PTPDC1: variants seen among roughly 807,000 people sequenced by gnomAD.
PTPDC1 encodes the protein protein tyrosine phosphatase domain containing 1.
PTPDC1 carries 53 observed loss-of-function variants against 75.3 expected under a neutral mutation model. The observed-to-expected ratio is 0.70, with a 90% CI of 0.56 to 0.88. The LOEUF (loss-of-function observed/expected upper bound fraction) is 0.88, where lower values mean the gene tolerates loss of function less well. Among genes scored for constraint, PTPDC1 ranks in the 40% least tolerant of loss-of-function variants. The pLI is 0.00. For missense variants in PTPDC1, 925 were observed against 998.6 expected (o/e 0.93, Z 0.99); for synonymous variants, 349 against 366.2 (o/e 0.95, Z 0.54).
At chr9:94,103,301 G>A (rs1426368931) in intron 7 of PTPDC1, among the ~76,000 whole-genome samples, 2 of 152,180 alleles carry the variant, frequency 1.3e-5, no homozygotes, top group African/African-American at 4.8e-5. Context: ...AGCCCTTCAG[G>A]ACATAATTTA....
intron 1 of PTPDC1, among the ~76,000 whole-genome samples, chr9:94,057,570 G>T (rs1015062253): frequency 6.6e-6 from 1 of 151,978 alleles, no homozygotes; most frequent in Non-Finnish European, 1.5e-5. Context: ...GTTGTGGTAG[G>T]AACACACACA....
At chr9:94,075,570 A>G (rs141565917) in intron 2 of PTPDC1, among the ~76,000 whole-genome samples, 215 of 152,248 alleles carry the variant, frequency 1.4e-3, no homozygotes, top group African/African-American at 4.9e-3. Flanking sequence ...GCAGCACCCT[A>G]TTGGGGATAT....
chr9:94,054,890 C>T lies in PTPDC1; in HGVS notation c.-6-9844C>T, dbSNP rs1171239382. On this transcript the variant is annotated intron_variant, in intron 1 of 9. Transcript: ENST00000375360. Reference sequence around the variant, plus strand: ...CAGTCAACCTGGCCAGCATAAGGAACTCACATCTGCTTAAACTCATACAAG... The same window carrying T: ...CAGTCAACCTGGCCAGCATAAGGAATTCACATCTGCTTAAACTCATACAAG... 3.9e-5 allele frequency among the ~76,000 whole-genome samples: 6 copies of T among 152,218 alleles called. No homozygotes were observed. The South Asian group carries it at 6.2e-4, about 16-fold the overall frequency.
At chr9:94,092,705 A>T (rs1213288739) in intron 4 of PTPDC1, among the ~76,000 whole-genome samples, 44 of 145,314 alleles carry the variant, frequency 3.0e-4, no homozygotes, top group Non-Finnish European at 5.6e-4. Context: ...CCCATTATTA[A>T]TGTGTGGGAG....
intron 1 of PTPDC1, among the ~76,000 whole-genome samples, chr9:94,051,878 T>G (rs1025160680): frequency 1.3e-5 from 2 of 152,196 alleles, no homozygotes; most frequent in African/African-American, 4.8e-5. Context: ...GTTAGTGGTC[T>G]GTCATTTCCT....
chr9:94,084,913 G>A (rs751624837), intron 1 of PTPDC1, 139 bp downstream of exon 1: 97 of 639,096 alleles, frequency 1.5e-4, no homozygotes, highest in Non-Finnish European at 2.4e-4. Flanking sequence ...TGCTATTTTA[G>A]TGAATATATA....
At chr9:94,081,775 C>G (rs553143738), upstream of PTPDC1, among the ~76,000 whole-genome samples, 49 of 151,892 alleles carry the variant, frequency 3.2e-4, no homozygotes, top group African/African-American at 1.2e-3. Flanking sequence ...AGAAGAAGGG[C>G]CCTCAGAAGA....
chr9:94,086,897 T>A (rs537922955), intron 2 of PTPDC1, among the ~76,000 whole-genome samples: 5 of 152,240 alleles, frequency 3.3e-5, no homozygotes, highest in African/African-American at 1.2e-4. Context: ...CTGGAGCCCA[T>A]ATTTGTCACC....
chr9:94,061,464 G>T (rs1281687428), intron 1 of PTPDC1, among the ~76,000 whole-genome samples: 1 of 152,230 alleles, frequency 6.6e-6, no homozygotes, highest in Non-Finnish European at 1.5e-5. Flanking sequence ...CTGTGTAGGG[G>T]GTCCAACCCC....
At chr9:94,079,554 A>AACT (rs1826809202), upstream of PTPDC1, among the ~76,000 whole-genome samples, 3 of 152,298 alleles carry the variant, frequency 2.0e-5, no homozygotes, top group South Asian at 6.2e-4. Flanking sequence ...CTCTCTGGCA[A>AACT]ACTAGTGTGA....
intron 2 of PTPDC1, among the ~76,000 whole-genome samples, chr9:94,076,325 A>T (rs1019564247): frequency 1.3e-5 from 2 of 152,112 alleles, no homozygotes; most frequent in Non-Finnish European, 2.9e-5. Flanking sequence ...TTTAGCAAGC[A>T]CCAGCTGCCA....
chr9:94,038,188 TA>T, intron 1 of PTPDC1: 1 of 730,040 alleles, frequency 1.4e-6, no homozygotes, highest in South Asian at 1.5e-5. Flanking sequence ...CAGACGCCAA[TA>T]AAAACAAAGG....
chr9:94,105,643 G>A (rs1212455219), intron 8 of PTPDC1, among the ~76,000 whole-genome samples: 1 of 142,576 alleles, frequency 7.0e-6, no homozygotes, highest in Non-Finnish European at 1.5e-5. Flanking sequence ...ACTCCGGCCT[G>A]GCAACAGAGC....
At chr9:94,076,487 A>C (rs1290423311) in intron 2 of PTPDC1, among the ~76,000 whole-genome samples, 1 of 152,194 alleles carries the variant, frequency 6.6e-6, no homozygotes, top group Non-Finnish European at 1.5e-5. Context: ...AATGTTTTCA[A>C]GGTTCATCCA....
intron 1 of PTPDC1, 41 bp from the exon 2 acceptor site, chr9:94,085,210 G>C: frequency 6.4e-7 from 1 of 1,554,052 alleles, no homozygotes; most frequent in African/African-American, 1.4e-5. Context: ...ATTTCATTTG[G>C]AGAGTGGAAT....
chr9:94,095,035 C>A (rs1311264741), intron 4 of PTPDC1, among the ~76,000 whole-genome samples: 1 of 152,264 alleles, frequency 6.6e-6, no homozygotes, highest in East Asian at 1.9e-4. Flanking sequence ...AATCACCCGT[C>A]TTCTGCGTCG....
At chr9:94,040,884 C>T (rs981137203) in intron 1 of PTPDC1, among the ~76,000 whole-genome samples, 2 of 152,200 alleles carry the variant, frequency 1.3e-5, no homozygotes, top group African/African-American at 2.4e-5. Context: ...ATAGTATTCA[C>T]TGTCATCATT....
At chr9:94,085,846 AT>A (rs2117976370) in intron 2 of PTPDC1, among the ~76,000 whole-genome samples, 1 of 152,306 alleles carries the variant, frequency 6.6e-6, no homozygotes, top group Admixed American at 6.5e-5. Context: ...GAAAGGTCAC[AT>A]TTTCATACAA....
chr9:94,093,698 C>T (rs986811912), intron 4 of PTPDC1, among the ~76,000 whole-genome samples: 1 of 146,878 alleles, frequency 6.8e-6, no homozygotes, highest in African/African-American at 2.5e-5. Flanking sequence ...TGGTTCCATT[C>T]TCCACATCAC....
Sources: gnomAD v4.1 joint callset for allele counts (sites outside exome capture counted in the v4.1 genomes callset) on GRCh38, gnomAD v4.1.1 for gene constraint, MANE v1.5 for transcripts, NCBI Gene and HGNC (gene_info 2026-07-23, HGNC 2026-07-21) for gene names.